Variants in TMEM123 observed in about 807,000 individuals in gnomAD.
The protein encoded by TMEM123 is transmembrane protein 123, also known as porimin.
A neutral mutation model predicts 19.7 loss-of-function variants in TMEM123; 16 were observed. That is an observed-to-expected ratio of 0.81 (90% CI 0.55 to 1.23). The LOEUF (loss-of-function observed/expected upper bound fraction) is 1.23. Among genes scored for constraint, TMEM123 ranks in the 50% most tolerant of loss-of-function variants. TMEM123 has a pLI of 0.00. For missense variants in TMEM123, 313 were observed against 257.8 expected, an observed-to-expected ratio of 1.21 and a Z score of -1.47; for synonymous variants, 118 against 99.4, an observed-to-expected ratio of 1.19 and a Z score of -1.12.
chr11:102,418,045 T>G (rs984301588), intron 2 of TMEM123, among the ~76,000 whole-genome samples: 1 of 142,090 alleles, frequency 7.0e-6, no homozygotes, highest in Non-Finnish European at 1.5e-5. Context: ...ATAAAAACCC[T>G]AGAAGACAGG....
chr11:102,435,980 C>A (rs1296007732), intron 2 of TMEM123, among the ~76,000 whole-genome samples: 1 of 151,580 alleles, frequency 6.6e-6, no homozygotes, highest in Non-Finnish European at 1.5e-5. Context: ...TGTGAATATA[C>A]TAAAAATCAC....
At chr11:102,448,107 CCT>C (rs1857902487) in intron 2 of TMEM123, 2 of 392,128 alleles carry the variant, frequency 5.1e-6, no homozygotes, top group Non-Finnish European at 1.0e-5. Flanking sequence ...ATAAATATTC[CCT>C]GACTAAAAGT....
chr11:102,434,003 G>A (rs907928904), intron 2 of TMEM123, among the ~76,000 whole-genome samples: 30 of 151,918 alleles, frequency 2.0e-4, no homozygotes, highest in South Asian at 6.2e-4. Flanking sequence ...TTATAGCAGC[G>A]AGAACAGATA....
At chr11:102,418,851 C>A (rs1952061476) in intron 2 of TMEM123, among the ~76,000 whole-genome samples, 1 of 152,182 alleles carries the variant, frequency 6.6e-6, no homozygotes, top group South Asian at 2.1e-4. Context: ...AAATCACATC[C>A]TTTGCAGCAA....
At chr11:102,442,603 A>G (rs1372383260) in intron 2 of TMEM123, among the ~76,000 whole-genome samples, 1 of 152,222 alleles carries the variant, frequency 6.6e-6, no homozygotes, top group Non-Finnish European at 1.5e-5. Flanking sequence ...TGAATGGGCA[A>G]AAACTGGAAG....
chr11:102,444,803 A>T (rs1857864804), intron 2 of TMEM123, among the ~76,000 whole-genome samples: 1 of 151,852 alleles, frequency 6.6e-6, no homozygotes. Flanking sequence ...GATTAAGAAA[A>T]TGTGGCACAT....
At chr11:102,443,327 T>C (rs963235665) in intron 2 of TMEM123, among the ~76,000 whole-genome samples, 2 of 152,176 alleles carry the variant, frequency 1.3e-5, no homozygotes, top group Admixed American at 6.5e-5. Flanking sequence ...CAAAACAGCA[T>C]TGTACTGGTA....
intron 2 of TMEM123, among the ~76,000 whole-genome samples, chr11:102,410,054 A>T (rs1298839464): frequency 6.6e-6 from 1 of 152,246 alleles, no homozygotes; most frequent in Non-Finnish European, 1.5e-5. Flanking sequence ...GATCACAGAA[A>T]AGTAACAACT....
At chr11:102,425,164 G>A (rs926566814) in intron 2 of TMEM123, among the ~76,000 whole-genome samples, 1 of 152,206 alleles carries the variant, frequency 6.6e-6, no homozygotes, top group Non-Finnish European at 1.5e-5. Context: ...AACCAGTTCT[G>A]TGCTGAAATT....
chr11:102,434,378 T>G (rs1439601937), intron 2 of TMEM123, among the ~76,000 whole-genome samples: 1 of 151,966 alleles, frequency 6.6e-6, no homozygotes, highest in South Asian at 2.1e-4. Context: ...CTATTGGCTA[T>G]CTGTATGTCT....
intron 4 of TMEM123, among the ~76,000 whole-genome samples, chr11:102,401,291 T>TG (rs1374472873): frequency 6.6e-6 from 1 of 152,238 alleles, no homozygotes; most frequent in Non-Finnish European, 1.5e-5. Context: ...TTTGGTCTCC[T>TG]GTAAAGTGTG....
rs561491690 is a variant in TMEM123 at position 102,403,072 on chromosome 11, A to G, written c.158-866T>C. The stretch of plus-strand genomic sequence containing the variant: ...GTCACCCAGGCTGAAGTGCAGTGTC[A>G]AGATCTCGGCTCAATGCAACCTCCG... On this transcript the variant is annotated intron_variant, in intron 2 of 4. Transcript: ENST00000398136. Among the ~76,000 whole-genome samples, 170 of 151,816 alleles carry G rather than the reference A, an allele frequency of 1.1e-3. 7 individuals carry two copies. The South Asian group carries it at 0.034, about 31-fold the overall frequency.
At chr11:102,450,573 A>C (rs1857927498) in intron 1 of TMEM123, among the ~76,000 whole-genome samples, 1 of 152,256 alleles carries the variant, frequency 6.6e-6, no homozygotes, top group African/African-American at 2.4e-5. Context: ...CTTCTCCCAC[A>C]ATATTCTAGG....
chr11:102,409,427 CAT>C (rs1296075855), intron 2 of TMEM123, among the ~76,000 whole-genome samples: 2 of 152,116 alleles, frequency 1.3e-5, no homozygotes, highest in Admixed American at 1.3e-4. Flanking sequence ...ATTCCAGAAA[CAT>C]TCATTGCTTA....
chr11:102,402,329 A>G lies in TMEM123; in HGVS notation c.158-123T>C, dbSNP rs12296030. The G allele has an allele frequency of 2.9e-3, 2,859 of 983,872 alleles. 54 individuals carry two copies. In the African/African-American group the frequency reaches 0.042, roughly 14 times the overall value. The allele number at this position is 983,872 out of a possible 1,614,324, so 60.9% of individuals were successfully genotyped here. ...TCTTACAAATACAGCAGCATTTAAC[A>G]TACTTAGCCCATTAATACTTTGCAC... On this transcript the variant is annotated intron_variant, in intron 2 of 4. Transcript: ENST00000398136.
chr11:102,438,951 G>A (rs1223241906), intron 2 of TMEM123, among the ~76,000 whole-genome samples: 1 of 152,204 alleles, frequency 6.6e-6, no homozygotes, highest in African/African-American at 2.4e-5. Flanking sequence ...TCCTGCACGT[G>A]GCTCAGAGGG....
chr11:102,451,809 A>G (rs940989154), intron 1 of TMEM123, among the ~76,000 whole-genome samples: 2 of 152,246 alleles, frequency 1.3e-5, no homozygotes, highest in African/African-American at 4.8e-5. Flanking sequence ...CGACCTTACT[A>G]GCGACGACAA....
In TMEM123 at chr11:102,401,731, T is replaced by C. The variant is rs775222171; in HGVS notation, c.449-39A>G. 4 of 1,275,514 alleles carry C rather than the reference T, an allele frequency of 3.1e-6. No individual in the cohort carries two copies. In the South Asian group the frequency reaches 6.1e-5, roughly 19 times the overall value. The allele number at this position is 1,275,514 out of a possible 1,614,324, so 79.0% of individuals were successfully genotyped here. On this transcript the variant is annotated intron_variant, in intron 3 of 4. Coordinates refer to ENST00000398136, the MANE Select transcript of TMEM123 (RefSeq NM_052932.3). ...AAACAAAAAAGGGCTTTAGCGTTAT[T>C]TTTTTTTTTTTAACATTGTAATTAA...
chr11:102,447,338 G>C (rs1375769439), intron 2 of TMEM123, among the ~76,000 whole-genome samples: 5 of 152,184 alleles, frequency 3.3e-5, no homozygotes, highest in Admixed American at 1.3e-4. Flanking sequence ...ATAGGTTTTA[G>C]AATACAACTG....
Sources: allele counts gnomAD v4.1 joint callset (sites outside exome capture counted in the v4.1 genomes callset), GRCh38; gene constraint gnomAD v4.1.1; transcripts MANE v1.5; gene names NCBI Gene and HGNC (gene_info 2026-07-23, HGNC 2026-07-21).